Variants in ITGA2B observed in about 807,000 individuals in gnomAD.
The protein encoded by ITGA2B is integrin alpha-IIb.
In ITGA2B, 91 loss-of-function variants were observed where a neutral mutation model predicts 142.0. The observed-to-expected ratio is 0.64, with a 90% CI of 0.54 to 0.76. The LOEUF is 0.76. Ranked by LOEUF, ITGA2B falls within the 30% of genes least tolerant of loss-of-function variation. ITGA2B has a pLI of 0.00. For missense variants in ITGA2B, 1,231 were observed against 1,350.8 expected (o/e 0.91, Z 1.39); for synonymous variants, 536 against 567.2 (o/e 0.94, Z 0.78).
Position 44,381,024 on chromosome 17 carries a change from G to A in ITGA2B, c.1248C>T (p.Gly416=), listed in dbSNP as rs1407810728. The A allele has an allele frequency of 6.2e-7, 1 of 1,613,410 alleles. No individual in the cohort carries two copies. Among genetic ancestry groups the A allele is most frequent in the Admixed American group, 1.7e-5 (1 of 59,960 alleles). Residue 416 remains glycine, a synonymous_variant, in exon 13 of 30, where the codon GGC becomes GGT. Coordinates refer to ENST00000262407, the MANE Select transcript of ITGA2B (RefSeq NM_000419.5). ...CCAGGAACACCAGCACTTGGCCCCGGCCACTGGGACCCCCGTAGGGGGCAG... is the reference window on the plus strand; with the variant it reads ...CCAGGAACACCAGCACTTGGCCCCGACCACTGGGACCCCCGTAGGGGGCAG... ...AVAAPYGGPS[G]RGQVLVFLGQ... is the part of the protein sequence containing the mutation.
chr17:44,377,776 GA>G lies in ITGA2B; in HGVS notation c.2108del (p.Leu703ProfsTer22). ...CATTCTCCTTCTTCTGATTACAGAT[GA>G]GTCTCTCAAAGCCCTTCAGGAAGGC... is the stretch of plus-strand genomic sequence containing the variant. ...ALSNVEGFER[L>X]ICNQKKENET... On this transcript the variant is annotated frameshift_variant, in exon 21 of 30. Transcript: ENST00000262407. LOFTEE classifies it high-confidence loss of function. 10 of 1,611,594 alleles carry G rather than the reference GA, an allele frequency of 6.2e-6. No individual in the cohort carries two copies. The highest frequency in any genetic ancestry group is 8.5e-6 in the Non-Finnish European group (10 of 1,178,544).
chr17:44,377,689 C>T lies in ITGA2B; in HGVS notation c.2187+9G>A. ...GTGGAGACCCGGTACCACGACCCAG[C>T]AGCCTCACCTGGGCGTTCTTCTTCA... On this transcript the variant is annotated intron_variant, in intron 21 of 29. Transcript: ENST00000262407. 6.2e-7 allele frequency: 1 copy of T among 1,609,472 alleles called. No homozygotes were observed. The highest frequency in any genetic ancestry group is 8.5e-7 in the Non-Finnish European group (1 of 1,176,594).
chr17:44,373,262 C>T (rs1027303609), intron 29 of ITGA2B, among the ~76,000 whole-genome samples: 2 of 152,052 alleles, frequency 1.3e-5, no homozygotes, highest in Non-Finnish European at 2.9e-5. Flanking sequence ...CTCAGCCTCC[C>T]GAGTAGCTGG....
rs368061730 is a variant in ITGA2B, at chr17:44,374,641, C to G, written c.2943+18G>C. Reference sequence around the variant, plus strand: ...GGGTCCTGCAGGACTGGTCTCTGCTCCATCCCCCCACACTCACCTGAGCTT... The same window carrying G: ...GGGTCCTGCAGGACTGGTCTCTGCTGCATCCCCCCACACTCACCTGAGCTT... On this transcript the variant is annotated intron_variant, in intron 28 of 29. Transcript: ENST00000262407. 6.2e-7 allele frequency: 1 copy of G among 1,606,728 alleles called. No homozygotes were observed. The highest frequency in any genetic ancestry group is 1.7e-5 in the Admixed American group (1 of 59,986).
chr17:44,375,891 T>C lies in ITGA2B; in HGVS notation c.2543A>G (p.Asp848Gly). ...CTGAAGGCCCCCCTGGGGCTGTATA[T>C]CCAGGATGTAGAGCAGGTCGGAGGG... ...SQPSDLLYIL[D>G]IQPQGGLQCF... is the part of the protein sequence containing the mutation. The change falls in exon 25 of 30, where the codon GAT (aspartate) becomes GGT (glycine). Residue 848 changes from aspartate to glycine, a missense_variant. By Grantham distance (94) the Asp-to-Gly change is moderately conservative (BLOSUM62 -1). Transcript: ENST00000262407. The C allele has an allele frequency of 6.2e-7, 1 of 1,610,132 alleles. No individual in the cohort carries two copies.
At chr17:44,379,074 G>A (rs1369819543) in intron 18 of ITGA2B, among the ~76,000 whole-genome samples, 1 of 151,404 alleles carries the variant, frequency 6.6e-6, no homozygotes, top group African/African-American at 2.4e-5. Context: ...AGCCTCCCAA[G>A]TAGCTGGGAC....
intron 7 of ITGA2B, 133 bp downstream of exon 7, chr17:44,384,815 G>A (rs1168995218): frequency 1.4e-6 from 2 of 1,449,658 alleles, no homozygotes; most frequent in Admixed American, 1.7e-5. Context: ...CCGCAGGAGC[G>A]GAGGGCGGGA....
rs2048541532 is a variant in ITGA2B at position 44,376,125 on chromosome 17, C to A, written c.2408G>T (p.Ser803Ile). ...AAEEGEREQN[S>I]LDSWGPKVEH... is the part of the protein sequence containing the mutation. ...CACTTTGGGTCCCCAGCTGTCCAAG[C>A]TGTTCTGCTCCCTCTCACCTTCTTC... The change falls in exon 24 of 30, where the codon AGC becomes ATC. Residue 803 changes from serine to isoleucine, a missense_variant. Around this residue, in one of 3 missense-constraint regions of ITGA2B, gnomAD observed 908 missense variants for 1,021.1 expected, o/e 0.89. Coordinates refer to ENST00000262407, the MANE Select transcript of ITGA2B (RefSeq NM_000419.5). 1 of 1,614,198 alleles carries A rather than the reference C, an allele frequency of 6.2e-7. No homozygotes were observed. The highest frequency in any genetic ancestry group is 8.5e-7 in the Non-Finnish European group (1 of 1,180,034).
At chr17:44,374,255 CCCACTTGGGTGGG>C in intron 29 of ITGA2B, 86 bp downstream of exon 29, 1 of 1,019,286 alleles carries the variant, frequency 9.8e-7, no homozygotes, top group Non-Finnish European at 1.6e-6. Context: ...CCCTGGATTA[CCCACTTGGGTGGG>C]CCACCATCTC....
rs1472912984 is a variant in ITGA2B at position 44,384,320 on chromosome 17, G to T, written c.882C>A (p.Thr294=). 1 of 1,613,310 alleles carries T rather than the reference G, an allele frequency of 6.2e-7. No individual in the cohort carries two copies. The highest frequency in any genetic ancestry group is 8.5e-7 in the Non-Finnish European group (1 of 1,179,924). The part of the protein sequence containing the change: ...YVVGAPTWSW[T]LGAVEILDSY... ...TGGTGGGGGCACTTACCGCTCCCAG[G>T]GTCCAGCTCCAAGTGGGGGCACCGA... The change falls in exon 9 of 30, where the codon ACC becomes ACA. Residue 294 remains threonine (T), a synonymous_variant. Coordinates refer to ENST00000262407, the MANE Select transcript of ITGA2B (RefSeq NM_000419.5).
rs1196473568 is a variant in ITGA2B, at chr17:44,375,030, G to C, written c.2809C>G (p.Leu937Val). 54 of 1,427,720 alleles carry C rather than the reference G, an allele frequency of 3.8e-5. No homozygotes were observed. Among genetic ancestry groups the C allele is most frequent in the Non-Finnish European group, 5.0e-5 (54 of 1,076,412 alleles). 88.4% of individuals were successfully genotyped at this position (1,427,720 alleles called of 1,614,324 possible). A position where few individuals can be genotyped will look rare whatever the true frequency, so the allele number is the denominator to read the frequency against. Residue 937 changes from leucine to valine, a missense_variant, in exon 27 of 30, where the codon CTG (leucine) becomes GTG (valine). Physicochemically the swap from Leu to Val is conservative, Grantham distance 32. Transcript: ENST00000262407. ...AGGCTGGGCAGCCACAGGAAGGCCA[G>C]CACCGTGACCATGGCCCGCTGCCCG... ...ARGQRAMVTV[L>V]AFLWLPSLYQ...
At position 44,376,209 on chromosome 17, in the gene ITGA2B, G is replaced by A. The variant is rs1191832963; in HGVS notation, c.2349-25C>T. The stretch of plus-strand genomic sequence containing the variant: ...CCTGCAGGTGCCCAAGACCCCCAGA[G>A]AGAGTGTGATGCCCTGATTGGCCTG... On this transcript the variant is annotated intron_variant, in intron 23 of 29. Transcript: ENST00000262407. The A allele has an allele frequency of 2.5e-6, 4 of 1,614,000 alleles. No individual in the cohort carries two copies. The South Asian group carries it at 4.4e-5, about 18-fold the overall frequency.
chr17:44,376,246 C>T, intron 23 of ITGA2B, 62 bp from the exon 24 acceptor site: 1 of 1,613,736 alleles, frequency 6.2e-7, no homozygotes, highest in Non-Finnish European at 8.5e-7. Context: ...GAGGTTTCCC[C>T]AGCGCCCCCT....
Position 44,378,466 on chromosome 17 carries a change from G to T in ITGA2B, c.1990C>A (p.Leu664Met). ...CCCTCGTTGGCTGCGTCCATCTGCA[G>T]CTCCAGGACATTATCTGCCCCAACT... is the stretch of plus-strand genomic sequence containing the variant. ...LLVGADNVLE[L>M]QMDAANEGEG... is the part of the protein sequence containing the mutation. Residue 664 changes from leucine to methionine, a missense_variant, in exon 20 of 30, where the codon CTG (leucine) becomes ATG (methionine). This residue lies in a region of ITGA2B where 908 missense variants were observed against 1,021.1 expected (regional missense o/e 0.89). Transcript: ENST00000262407. 1 of 1,613,772 alleles carries T rather than the reference G, an allele frequency of 6.2e-7. No individual in the cohort carries two copies. The highest frequency in any genetic ancestry group is 8.5e-7 in the Non-Finnish European group (1 of 1,179,940).
At chr17:44,372,817 C>T (rs954669310) in intron 29 of ITGA2B, among the ~76,000 whole-genome samples, 5 of 151,658 alleles carry the variant, frequency 3.3e-5, no homozygotes. Flanking sequence ...GACAGGGTTT[C>T]ACCCTGTTGG....
At position 44,378,354 on chromosome 17, in the gene ITGA2B, G is replaced by A. The variant is rs200277530; in HGVS notation, c.2094+8C>T. The A allele has an allele frequency of 3.7e-6, 6 of 1,608,866 alleles. No homozygotes were observed. The highest frequency in any genetic ancestry group is 5.1e-6 in the Non-Finnish European group (6 of 1,177,780). On this transcript the variant is annotated splice_region_variant and intron_variant, in intron 20 of 29. Coordinates refer to ENST00000262407, the MANE Select transcript of ITGA2B (RefSeq NM_000419.5). ...TCCCGGGTACTGTTCCCAGGGTGGG[G>A]GCCATACCTCGACATTGCTTAGGGC...
intron 18 of ITGA2B, 23 bp from the exon 19 acceptor site, chr17:44,378,733 G>A (rs1234253099): frequency 6.4e-7 from 1 of 1,552,448 alleles, no homozygotes; most frequent in East Asian, 2.4e-5. Flanking sequence ...ATTGGGGTGT[G>A]CGGGTAAGTT....
chr17:44,379,948 T>C, intron 17 of ITGA2B, 54 bp downstream of exon 17: 2 of 1,612,940 alleles, frequency 1.2e-6, no homozygotes, highest in Non-Finnish European at 1.7e-6. Flanking sequence ...GATGAACAAG[T>C]CCAGTGGGTA....
rs41308596 is a variant in ITGA2B at position 44,383,593 on chromosome 17, C to T, written c.1110G>A (p.Ala370=). Residue 370 remains alanine (A), a synonymous_variant, in exon 12 of 30, where the codon GCG becomes GCA. Coordinates refer to ENST00000262407, the MANE Select transcript of ITGA2B (RefSeq NM_000419.5). ...YLFLQPRGPH[A]LGAPSLLLTG... is the part of the protein sequence containing the mutation. ...TCAGCAGGAGGCTGGGGGCACCCAG[C>T]GCGTGGGGGCCTCGCGGCTGCAGGA... The T allele has an allele frequency of 1.2e-5, 20 of 1,610,784 alleles. 1 individual carries two copies. Among genetic ancestry groups the T allele is most frequent in the African/African-American group, 2.7e-5 (2 of 74,902 alleles).
Sources: allele counts gnomAD v4.1 joint callset (sites outside exome capture counted in the v4.1 genomes callset), GRCh38; gene constraint gnomAD v4.1.1; regional missense constraint gnomAD v4.1.1; transcripts MANE v1.5; gene names NCBI Gene and HGNC (gene_info 2026-07-23, HGNC 2026-07-21).